Variants in CACNA2D3 observed in about 807,000 individuals in gnomAD.
The protein encoded by CACNA2D3 is voltage-dependent calcium channel subunit alpha-2/delta-3.
In CACNA2D3, 60 loss-of-function variants were observed where a neutral mutation model predicts 160.6. The ratio of observed to expected loss-of-function variants is 0.37; its 90% confidence interval spans 0.30 to 0.46. CACNA2D3 has a LOEUF of 0.46. Ranked by LOEUF, CACNA2D3 falls within the 20% of genes least tolerant of loss-of-function variation. The pLI is 1.00. For missense variants in CACNA2D3, 1,205 were observed against 1,365.0 expected, an observed-to-expected ratio of 0.88 and a Z score of 1.85; for synonymous variants, 558 against 492.9, an observed-to-expected ratio of 1.13 and a Z score of -1.75.
chr3:54,987,692 T>A lies in CACNA2D3; in HGVS notation c.2629T>A (p.Phe877Ile). 6.2e-7 allele frequency: 1 copy of A among 1,605,202 alleles called. No homozygotes were observed. Among genetic ancestry groups the A allele is most frequent in the Non-Finnish European group, 8.5e-7 (1 of 1,176,360 alleles). The change falls in exon 31 of 38, where the codon TTT becomes ATT. Residue 877 changes from phenylalanine to isoleucine, a missense_variant. Coordinates refer to ENST00000474759, the MANE Select transcript of CACNA2D3 (RefSeq NM_018398.3). ...VSEDYTQTGD[F>I]FGEIEGAVMN... ...GTCTTCTTCCCCATAGACTGGAGACTTTTTTGGTGAGATCGAGGGAGCTGT... is the reference window on the plus strand; with the variant it reads ...GTCTTCTTCCCCATAGACTGGAGACATTTTTGGTGAGATCGAGGGAGCTGT...
At chr3:54,460,481 G>A (rs961571092) in intron 4 of CACNA2D3, among the ~76,000 whole-genome samples, 1 of 152,090 alleles carries the variant, frequency 6.6e-6, no homozygotes, top group Admixed American at 6.6e-5. Flanking sequence ...TCCTTGAAGA[G>A]GTCCTTCACA....
intron 27 of CACNA2D3, among the ~76,000 whole-genome samples, chr3:54,964,404 T>A (rs1575411132): frequency 8.0e-6 from 1 of 125,766 alleles, no homozygotes; most frequent in East Asian, 2.8e-4. Context: ...ACCCCAGGAA[T>A]GGTGATTTTT....
At chr3:54,871,214 CACACACA>C (rs1474476539) in intron 17 of CACNA2D3, among the ~76,000 whole-genome samples, 2 of 111,346 alleles carry the variant, frequency 1.8e-5, no homozygotes, top group Admixed American at 2.3e-4. Context: ...CACACACACA[CACACACA>C]CACCCCCCAT....
chr3:54,639,350 TG>T (rs1418051229), intron 10 of CACNA2D3: 1 of 152,270 alleles, frequency 6.6e-6, no homozygotes, highest in African/African-American at 2.4e-5. Context: ...CATCCCTGCG[TG>T]GTCTGAAACG....
chr3:54,753,164 A>G (rs967462017), intron 12 of CACNA2D3, among the ~76,000 whole-genome samples: 6 of 152,136 alleles, frequency 3.9e-5, no homozygotes, highest in Non-Finnish European at 7.4e-5. Flanking sequence ...CCCAGTGCCA[A>G]ATTTTGAGGA....
At chr3:54,145,644 G>A (rs1700013115) in intron 2 of CACNA2D3, among the ~76,000 whole-genome samples, 1 of 152,214 alleles carries the variant, frequency 6.6e-6, no homozygotes, top group Admixed American at 6.5e-5. Context: ...GGTCTGCCCT[G>A]TGCCTGTCTT....
chr3:55,021,964 A>G (rs1457918284), intron 35 of CACNA2D3, among the ~76,000 whole-genome samples: 1 of 152,040 alleles, frequency 6.6e-6, no homozygotes, highest in African/African-American at 2.4e-5. Flanking sequence ...AGCAAGTTAC[A>G]TTCTCTAATA....
chr3:54,583,660 C>T (rs1364257421), intron 9 of CACNA2D3, among the ~76,000 whole-genome samples: 1 of 152,132 alleles, frequency 6.6e-6, no homozygotes, highest in Non-Finnish European at 1.5e-5. Flanking sequence ...TTGGGTATGA[C>T]TGTTGAGCAT....
chr3:54,411,354 AAGG>A (rs1237273441), intron 4 of CACNA2D3, among the ~76,000 whole-genome samples: 1 of 152,214 alleles, frequency 6.6e-6, no homozygotes, highest in Non-Finnish European at 1.5e-5. Context: ...TCTTTTGTGA[AAGG>A]AGGAGTGAAT....
At chr3:54,254,485 T>C (rs1468001304) in intron 2 of CACNA2D3, among the ~76,000 whole-genome samples, 1 of 152,202 alleles carries the variant, frequency 6.6e-6, no homozygotes, top group Non-Finnish European at 1.5e-5. Context: ...CAGTAGCTTC[T>C]TTGTGGTTAT....
chr3:54,868,342 A>G (rs1371934298), intron 17 of CACNA2D3, among the ~76,000 whole-genome samples: 1 of 152,186 alleles, frequency 6.6e-6, no homozygotes, highest in Non-Finnish European at 1.5e-5. Flanking sequence ...ACAGTGTTCC[A>G]GAGGAAGTAT....
intron 5 of CACNA2D3, among the ~76,000 whole-genome samples, chr3:54,522,945 C>T (rs948590969): frequency 2.0e-4 from 30 of 150,398 alleles, no homozygotes; most frequent in Admixed American, 1.3e-3. Context: ...TACTTACTTA[C>T]TTACTTACTT....
intron 2 of CACNA2D3, among the ~76,000 whole-genome samples, chr3:54,257,665 G>T (rs903632362): frequency 7.2e-5 from 11 of 152,114 alleles, no homozygotes; most frequent in African/African-American, 2.4e-4. Flanking sequence ...GAGGGAGTTT[G>T]CTGGCCAACA....
rs1341701619 is a variant in CACNA2D3 at position 55,058,003 on chromosome 3, G to T, written c.2988-15442G>T. 3.9e-5 allele frequency among the ~76,000 whole-genome samples: 6 copies of T among 152,050 alleles called. No individual in the cohort carries two copies. In the East Asian group the frequency reaches 1.2e-3, roughly 29 times the overall value. ...ACAAATCACCAAAAAAAAATCCATA[G>T]GAACAGTAATTTAAAAGTCTAAAAC... On this transcript the variant is annotated intron_variant, in intron 35 of 37. Coordinates refer to ENST00000474759, the MANE Select transcript of CACNA2D3 (RefSeq NM_018398.3).
Position 54,516,340 on chromosome 3 carries a change from G to C in CACNA2D3, c.544+12686G>C, listed in dbSNP as rs140173557. 3.2e-3 allele frequency among the ~76,000 whole-genome samples: 484 copies of C among 152,246 alleles called. 3 individuals are homozygous for C. Among genetic ancestry groups the C allele is most frequent in the African/African-American group, 0.011 (465 of 41,556 alleles). On this transcript the variant is annotated intron_variant, in intron 5 of 37. Coordinates refer to ENST00000474759, the MANE Select transcript of CACNA2D3 (RefSeq NM_018398.3). ...ATTTCATCATCTCCAAAGTGCCACC[G>C]TCTGAACTCTTCCTTCATTCTTAAG... is the stretch of plus-strand genomic sequence containing the variant.
At chr3:54,317,082 A>G (rs1439544686) in intron 2 of CACNA2D3, among the ~76,000 whole-genome samples, 2 of 152,230 alleles carry the variant, frequency 1.3e-5, no homozygotes, top group African/African-American at 2.4e-5. Flanking sequence ...AGCCTTGGGT[A>G]TAAGCTGAGT....
chr3:54,148,909 A>G (rs1174422666), intron 2 of CACNA2D3, among the ~76,000 whole-genome samples: 1 of 150,570 alleles, frequency 6.6e-6, no homozygotes. Flanking sequence ...CCCGGGAGAC[A>G]GAGGTTGCAG....
chr3:54,394,332 T>TC (rs71074966), intron 4 of CACNA2D3, among the ~76,000 whole-genome samples: 1 of 150,668 alleles, frequency 6.6e-6, no homozygotes, highest in African/African-American at 2.5e-5. Flanking sequence ...TTTTTTTTTT[T>TC]ATTATTATAC....
chr3:54,402,663 C>G (rs1175081724), intron 4 of CACNA2D3, among the ~76,000 whole-genome samples: 1 of 152,014 alleles, frequency 6.6e-6, no homozygotes, highest in African/African-American at 2.4e-5. Context: ...GAGAAATAGA[C>G]AGCAATACAA....
Sources: gnomAD v4.1 joint callset for allele counts (sites outside exome capture counted in the v4.1 genomes callset) on GRCh38, gnomAD v4.1.1 for gene constraint, MANE v1.5 for transcripts, NCBI Gene and HGNC (gene_info 2026-07-23, HGNC 2026-07-21) for gene names.